The following RFPL2 variants were observed in gnomAD, a reference collection of about 807,000 sequenced individuals.
The protein encoded by RFPL2 is ret finger protein-like 2.
In RFPL2, 13 loss-of-function variants were observed where a neutral mutation model predicts 17.8. That is an observed-to-expected ratio of 0.73 (90% CI 0.47 to 1.16). The LOEUF (loss-of-function observed/expected upper bound fraction) is 1.16. Ranked by LOEUF, RFPL2 falls within the 50% of genes most tolerant of loss-of-function variation. The pLI, the probability that RFPL2 is intolerant of heterozygous loss-of-function variation, is 0.00. For synonymous variants in RFPL2, 189 were observed against 180.9 expected (o/e 1.04, Z -0.36); for missense variants, 431 against 479.3 (o/e 0.90, Z 0.94).
At chr22:32,195,098 C>A (rs1217312767) in intron 2 of RFPL2, among the ~76,000 whole-genome samples, 1 of 152,176 alleles carries the variant, frequency 6.6e-6, no homozygotes, top group Non-Finnish European at 1.5e-5. Flanking sequence ...AACCCCGAAT[C>A]TTTTCGTCTT....
intron 2 of RFPL2, among the ~76,000 whole-genome samples, chr22:32,197,267 C>T (rs1569352082): frequency 6.6e-6 from 1 of 152,152 alleles, no homozygotes; most frequent in Non-Finnish European, 1.5e-5. Flanking sequence ...CATTCTCATA[C>T]ACATATCCAG....
At chr22:32,197,294 C>T (rs2123786888) in intron 2 of RFPL2, among the ~76,000 whole-genome samples, 1 of 152,320 alleles carries the variant, frequency 6.6e-6, no homozygotes, top group South Asian at 2.1e-4. Context: ...GCCTACCCTG[C>T]ATAGCCCGGG....
rs191169917 is a variant in RFPL2, at chr22:32,202,638, C to G, written c.-99-88G>C. On this transcript the variant is annotated intron_variant, in intron 1 of 4. Transcript: ENST00000652607. Reference sequence around the variant, plus strand: ...AGGGGCCGGTTTCAGCGAAGGTACTCACACCCACACTTCAAAGTCCAGCCT... The same window carrying G: ...AGGGGCCGGTTTCAGCGAAGGTACTGACACCCACACTTCAAAGTCCAGCCT... 4.2e-5 allele frequency: 60 copies of G among 1,415,310 alleles called. No homozygotes were observed. In the African/African-American group the frequency reaches 7.6e-4, roughly 18 times the overall value. 87.7% of individuals were successfully genotyped at this position (1,415,310 alleles called of 1,614,324 possible).
chr22:32,192,120 C>T (rs1922722089), intron 4 of RFPL2, among the ~76,000 whole-genome samples: 1 of 152,064 alleles, frequency 6.6e-6, no homozygotes, highest in Non-Finnish European at 1.5e-5. Flanking sequence ...ATCTGTCCTC[C>T]ATATTTCAGC....
intron 2 of RFPL2, chr22:32,199,871 C>T (rs1923733374): frequency 2.4e-6 from 1 of 420,588 alleles, no homozygotes; most frequent in Admixed American, 3.0e-5. Flanking sequence ...CAGGGGGCTC[C>T]CAGGTACACA....
At position 32,194,342 on chromosome 22, in the gene RFPL2, C is replaced by T. The variant is rs1201913642; in HGVS notation, c.265+3G>A. 1 of 1,603,102 alleles carries T rather than the reference C, an allele frequency of 6.2e-7. No homozygotes were observed. The highest frequency in any genetic ancestry group is 1.1e-5 in the South Asian group (1 of 89,112). Reference sequence around the variant, plus strand: ...AAAAACACACACACAGGCATGGGCTCACCTCTTCTGCTGGAAGCTCCTCTG... The same window carrying T: ...AAAAACACACACACAGGCATGGGCTTACCTCTTCTGCTGGAAGCTCCTCTG... On this transcript the variant is annotated splice_donor_region_variant and intron_variant, in intron 3 of 4. Transcript: ENST00000652607.
intron 1 of RFPL2, chr22:32,202,962 C>T: frequency 3.0e-6 from 3 of 986,084 alleles, no homozygotes; most frequent in Non-Finnish European, 3.6e-6. Flanking sequence ...CAGGAAGCAC[C>T]ACGGGGCTGG....
chr22:32,194,113 TA>T (rs947515025), intron 3 of RFPL2, among the ~76,000 whole-genome samples: 6 of 151,494 alleles, frequency 4.0e-5, no homozygotes, highest in African/African-American at 1.5e-4. Context: ...AATAAAAAAA[TA>T]AAAAAAATTA....
chr22:32,202,263 C>T (rs984929180), intron 2 of RFPL2, 70 bp downstream of exon 2: 16 of 1,539,090 alleles, frequency 1.0e-5, no homozygotes, highest in Non-Finnish European at 1.3e-5. Flanking sequence ...TGACCCTCCT[C>T]CTGCCTTCCT....
rs1334479240 is a variant in RFPL2 at position 32,205,054 on chromosome 22, T to C, written c.-447A>G. On this transcript the variant is annotated 5_prime_UTR_variant, in exon 1 of 5. Transcript: ENST00000652607. Reference sequence around the variant, plus strand: ...GCTTGCCCTTCCAGGCTCATCTGCGTCGGCCTGCGTAGCTGCTCTGTGCCC... The same window carrying C: ...GCTTGCCCTTCCAGGCTCATCTGCGCCGGCCTGCGTAGCTGCTCTGTGCCC... 6.6e-6 allele frequency: 1 copy of C among 152,254 alleles called. No individual in the cohort carries two copies. The highest frequency in any genetic ancestry group is 1.5e-5 in the Non-Finnish European group (1 of 68,094). The allele number at this position is 152,254 out of a possible 1,614,324, so 9.4% of individuals were successfully genotyped here. A position where few individuals can be genotyped will look rare whatever the true frequency, so the allele number is the denominator to read the frequency against.
At chr22:32,200,711 G>C (rs1923827917) in intron 2 of RFPL2, among the ~76,000 whole-genome samples, 1 of 152,026 alleles carries the variant, frequency 6.6e-6, no homozygotes, top group South Asian at 2.1e-4. Flanking sequence ...CACGGCCTCT[G>C]TTTCTTTAGT....
At chr22:32,203,063 C>T (rs1487318632) in intron 1 of RFPL2, 2 of 985,712 alleles carry the variant, frequency 2.0e-6, no homozygotes, top group African/African-American at 1.7e-5. Flanking sequence ...CCGCTCCTCT[C>T]TTGCAGACCA....
At chr22:32,200,175 C>A (rs113074910) in intron 2 of RFPL2, 8 of 380,792 alleles carry the variant, frequency 2.1e-5, no homozygotes, top group East Asian at 7.9e-5. Flanking sequence ...CTACAGCTGC[C>A]GGGTCACACA....
At position 32,190,569 on chromosome 22, in the gene RFPL2, C is replaced by A; in HGVS notation, c.*203G>T. Reference sequence around the variant, plus strand: ...TTTCTATAGGAAACAAGATGTGAACCATAGGACTCAATGAGTTTGATGGTG... The same window carrying A: ...TTTCTATAGGAAACAAGATGTGAACAATAGGACTCAATGAGTTTGATGGTG... On this transcript the variant is annotated 3_prime_UTR_variant, in exon 5 of 5. Transcript: ENST00000652607. The A allele has an allele frequency of 2.2e-6, 1 of 463,384 alleles. No homozygotes were observed. Among genetic ancestry groups the A allele is most frequent in the Non-Finnish European group, 3.7e-6 (1 of 272,340 alleles). The allele number at this position is 463,384 out of a possible 1,614,324, so 28.7% of individuals were successfully genotyped here.
chr22:32,202,966 G>A (rs1246810545), intron 1 of RFPL2: 3 of 985,986 alleles, frequency 3.0e-6, no homozygotes, highest in East Asian at 1.1e-4. Flanking sequence ...AAGCACCACG[G>A]GGCTGGGGCC....
Position 32,191,370 on chromosome 22 carries a change from A to T in RFPL2, c.557-18T>A, listed in dbSNP as rs1322280646. 3 of 1,595,916 alleles carry T rather than the reference A, an allele frequency of 1.9e-6. No homozygotes were observed. Among genetic ancestry groups the T allele is most frequent in the African/African-American group, 1.4e-5 (1 of 73,676 alleles). On this transcript the variant is annotated intron_variant, in intron 4 of 4. Transcript: ENST00000652607. ...CATATCCACTGTGAAAAGGAAAAAA[A>T]GTTGCTCAGCAAATGGACAGAAACC...
At chr22:32,204,480 C>T (rs558475366) in intron 1 of RFPL2, among the ~76,000 whole-genome samples, 1 of 152,248 alleles carries the variant, frequency 6.6e-6, no homozygotes, top group South Asian at 2.1e-4. Context: ...CCTCAATCCG[C>T]CCCCGCTCCC....
At chr22:32,204,619 C>G (rs983638340) in intron 1 of RFPL2, among the ~76,000 whole-genome samples, 88 bp downstream of exon 1, 4 of 152,356 alleles carry the variant, frequency 2.6e-5, no homozygotes, top group Middle Eastern at 3.4e-3. Flanking sequence ...GGTCTAGTCT[C>G]CCTCACCGCC....
At chr22:32,203,419 G>A (rs1924169903) in intron 1 of RFPL2, 1 of 152,018 alleles carries the variant, frequency 6.6e-6, no homozygotes, top group African/African-American at 2.4e-5. Flanking sequence ...TCCCGCCACC[G>A]GCGGTGTAGC....
Sources: gnomAD v4.1 joint callset for allele counts (sites outside exome capture counted in the v4.1 genomes callset) on GRCh38, gnomAD v4.1.1 for gene constraint, MANE v1.5 for transcripts, NCBI Gene and HGNC (gene_info 2026-07-23, HGNC 2026-07-21) for gene names.